Variants in LRRTM4 observed in about 807,000 individuals in gnomAD.
LRRTM4 encodes the protein leucine rich repeat transmembrane neuronal 4, also known as leucine-rich repeat transmembrane neuronal protein 4.
In LRRTM4, 25 loss-of-function variants were observed where a neutral mutation model predicts 47.6. The observed-to-expected ratio is 0.53, with a 90% CI of 0.38 to 0.73. The LOEUF (loss-of-function observed/expected upper bound fraction) is 0.73. Among genes scored for constraint, LRRTM4 ranks in the 30% least tolerant of loss-of-function variants. The pLI is 0.00. For synonymous variants in LRRTM4, 311 were observed against 269.5 expected (o/e 1.15, Z -1.51); for missense variants, 638 against 713.4 (o/e 0.89, Z 1.20).
At chr2:77,345,928 A>T (rs1043233016) in intron 3 of LRRTM4, among the ~76,000 whole-genome samples, 1 of 151,890 alleles carries the variant, frequency 6.6e-6, no homozygotes, top group Non-Finnish European at 1.5e-5. Context: ...TAGCAGTTAT[A>T]TTTAAAATCA....
chr2:77,049,122 T>TTATA (rs3058032), intron 3 of LRRTM4, among the ~76,000 whole-genome samples: 2,448 of 62,216 alleles, frequency 0.039, 61 homozygotes, highest in Admixed American at 0.059. Flanking sequence ...ATTTCATTTT[T>TTATA]TATATATATA....
At chr2:77,158,839 G>C (rs1228916455) in intron 3 of LRRTM4, among the ~76,000 whole-genome samples, 1 of 148,688 alleles carries the variant, frequency 6.7e-6, no homozygotes. Flanking sequence ...TTTTATAATT[G>C]TACAATAATA....
In LRRTM4 at chr2:77,299,942, C is replaced by T. The variant is rs549890440; in HGVS notation, c.1551+218376G>A. The stretch of plus-strand genomic sequence containing the variant: ...TCTCGGCTCACTGCAACCTCCGCCT[C>T]CCAGGTTCAAACGATTCTCCTGCCT... On this transcript the variant is annotated intron_variant, in intron 3 of 3. Coordinates refer to ENST00000409884, the MANE Select transcript of LRRTM4 (RefSeq NM_001134745.3). Among the ~76,000 whole-genome samples, 32 of 150,552 alleles carry T rather than the reference C, an allele frequency of 2.1e-4. No homozygotes were observed. In the East Asian group the frequency reaches 5.9e-3, roughly 28 times the overall value.
intron 3 of LRRTM4, among the ~76,000 whole-genome samples, chr2:77,035,103 C>A (rs909585135): frequency 6.6e-6 from 1 of 151,222 alleles, no homozygotes; most frequent in Middle Eastern, 3.2e-3. Context: ...AGGGTACATG[C>A]GCACAATGTG....
At chr2:77,463,128 C>A (rs967188368) in intron 3 of LRRTM4, among the ~76,000 whole-genome samples, 1 of 151,982 alleles carries the variant, frequency 6.6e-6, no homozygotes, top group Non-Finnish European at 1.5e-5. Flanking sequence ...GATAATATAA[C>A]CTACTACACA....
chr2:77,003,176 T>A (rs1448909643), intron 3 of LRRTM4, among the ~76,000 whole-genome samples: 1 of 151,456 alleles, frequency 6.6e-6, no homozygotes, highest in Admixed American at 6.6e-5. Context: ...TATGTTCTTA[T>A]TTGTTATTTT....
rs764270679 is a variant in LRRTM4, at chr2:77,519,849, G to A, written c.20C>T (p.Thr7Met). Reference sequence around the variant, plus strand: ...CACCACACTCATGCCTTTCAGCTGCGTAATTAAATGGAAACCTACGATATT... The same window carrying A: ...CACCACACTCATGCCTTTCAGCTGCATAATTAAATGGAAACCTACGATATT... MGFHLI[T>M]QLKGMSVVLV... is the part of the protein sequence containing the mutation. Residue 7 changes from threonine to methionine, a missense_variant, in exon 3 of 4, where the codon ACG becomes ATG. Transcript: ENST00000409884. This position sits in a 1 kb window ranked among gnomAD's most constrained non-coding sequence, Gnocchi z 4.6. 22 of 1,597,834 alleles carry A rather than the reference G, an allele frequency of 1.4e-5. No homozygotes were observed. The highest frequency in any genetic ancestry group is 1.7e-4 in the Middle Eastern group (1 of 5,976).
intron 3 of LRRTM4, among the ~76,000 whole-genome samples, chr2:76,789,787 A>G (rs1337609674): frequency 6.6e-6 from 1 of 152,160 alleles, no homozygotes; most frequent in Non-Finnish European, 1.5e-5. Context: ...ACAGAGAACA[A>G]AGGCATGGTG....
At chr2:76,933,231 G>A (rs919963974) in intron 3 of LRRTM4, among the ~76,000 whole-genome samples, 13 of 151,914 alleles carry the variant, frequency 8.6e-5, no homozygotes, top group African/African-American at 3.1e-4. Flanking sequence ...AATGAAAATT[G>A]TTTCTAAACA....
intron 3 of LRRTM4, among the ~76,000 whole-genome samples, chr2:77,043,067 A>G (rs1679091595): frequency 6.6e-6 from 1 of 151,780 alleles, no homozygotes. Context: ...TGGTTTCGTT[A>G]GGCCTACCCT....
chr2:77,288,038 T>C (rs556910597), intron 3 of LRRTM4, among the ~76,000 whole-genome samples: 1 of 152,068 alleles, frequency 6.6e-6, no homozygotes, highest in African/African-American at 2.4e-5. Flanking sequence ...CATAACAACA[T>C]TGGTCTATGG....
chr2:77,252,360 T>C (rs1675642640), intron 3 of LRRTM4, among the ~76,000 whole-genome samples: 1 of 152,218 alleles, frequency 6.6e-6, no homozygotes, highest in Non-Finnish European at 1.5e-5. Flanking sequence ...GTTTTTAGTT[T>C]GTCTTTTTTC....
Position 77,201,081 on chromosome 2 carries a change from T to A in LRRTM4, c.1551+317237A>T, listed in dbSNP as rs560158148. Among the ~76,000 whole-genome samples, 169 of 152,258 alleles carry A rather than the reference T, an allele frequency of 1.1e-3. 2 individuals are homozygous for A. Among genetic ancestry groups the A allele is most frequent in the African/African-American group, 3.2e-3 (135 of 41,558 alleles). On this transcript the variant is annotated intron_variant, in intron 3 of 3. Transcript: ENST00000409884. ...TCAAAACAATGATTTCAGGAGGGGA[T>A]TCTCCTTTATACTGTCATGACTTAG...
chr2:77,093,351 T>C (rs1670708880), intron 3 of LRRTM4, among the ~76,000 whole-genome samples: 1 of 150,716 alleles, frequency 6.6e-6, no homozygotes, highest in African/African-American at 2.5e-5. Context: ...TTCTTAGACC[T>C]TTTATACCTG....
chr2:76,994,395 T>C (rs10202852), intron 3 of LRRTM4, among the ~76,000 whole-genome samples: 9,459 of 152,006 alleles, frequency 0.062, 893 homozygotes, highest in African/African-American at 0.21. Context: ...CAATTTCATG[T>C]GCAAGCATCC....
At chr2:76,887,787 T>G (rs1037386991) in intron 3 of LRRTM4, among the ~76,000 whole-genome samples, 1 of 150,806 alleles carries the variant, frequency 6.6e-6, no homozygotes, top group African/African-American at 2.4e-5. Flanking sequence ...AATAAAATCC[T>G]TTAATTTTCT....
intron 3 of LRRTM4, among the ~76,000 whole-genome samples, chr2:77,134,804 T>A (rs1233576964): frequency 6.6e-6 from 1 of 152,154 alleles, no homozygotes; most frequent in East Asian, 1.9e-4. Context: ...TCTTTTTTCA[T>A]CATTTAAGTA....
intron 3 of LRRTM4, among the ~76,000 whole-genome samples, chr2:76,843,116 AAC>A (rs1024058587): frequency 1.4e-4 from 21 of 152,178 alleles, no homozygotes; most frequent in Non-Finnish European, 3.1e-4. Context: ...CCAAGTGACA[AAC>A]AGTTGATAGC....
intron 3 of LRRTM4, among the ~76,000 whole-genome samples, chr2:77,472,766 C>A (rs1422278842): frequency 6.6e-6 from 1 of 152,154 alleles, no homozygotes; most frequent in Admixed American, 6.6e-5. Context: ...GGTGTGAAAC[C>A]AGGTACTGGT....
Sources: allele counts gnomAD v4.1 joint callset (sites outside exome capture counted in the v4.1 genomes callset), GRCh38; gene constraint gnomAD v4.1.1; non-coding constraint Gnocchi (gnomAD v3.1); transcripts MANE v1.5; gene names NCBI Gene and HGNC (gene_info 2026-07-23, HGNC 2026-07-21).